GABRB3: variants seen among roughly 807,000 people sequenced by gnomAD.
The protein encoded by GABRB3 is gamma-aminobutyric acid type A receptor subunit beta3, also known as gamma-aminobutyric acid receptor subunit beta-3.
Under a neutral mutation model 52.1 loss-of-function variants are expected in GABRB3, and 14 were observed. The ratio of observed to expected loss-of-function variants is 0.27; its 90% CI spans 0.18 to 0.42. GABRB3 has a LOEUF of 0.42. Ranked by LOEUF, GABRB3 falls within the 10% of genes least tolerant of loss-of-function variation. The probability of loss-of-function intolerance (pLI) is 1.00; values close to 1 mark genes in which losing one functional copy is unlikely to be tolerated. For missense variants in GABRB3, 307 were observed against 609.1 expected (o/e 0.50, Z 5.22); for synonymous variants, 260 against 232.3 (o/e 1.12, Z -1.08).
chr15:26,645,965 C>T (rs1170491551), intron 3 of GABRB3, among the ~76,000 whole-genome samples: 2 of 150,300 alleles, frequency 1.3e-5, no homozygotes, highest in South Asian at 2.1e-4. Flanking sequence ...TAAATTTTTG[C>T]AATCCAAAAA....
chr15:26,758,986 G>C (rs1195274181), intron 3 of GABRB3, among the ~76,000 whole-genome samples: 1 of 152,094 alleles, frequency 6.6e-6, no homozygotes, highest in Admixed American at 6.5e-5. Flanking sequence ...GGGGTCACTG[G>C]CTACTTCCAA....
chr15:26,600,991 G>T (rs1891564562), intron 4 of GABRB3, among the ~76,000 whole-genome samples: 2 of 152,098 alleles, frequency 1.3e-5, no homozygotes, highest in Non-Finnish European at 2.9e-5. Flanking sequence ...TGTGTGGGGG[G>T]GAGTAAAAGT....
rs542284733 is a variant in GABRB3 at position 26,544,395 on chromosome 15, G to A, written c.*3398C>T. The A allele has an allele frequency of 1.3e-5, 2 of 152,740 alleles. No homozygotes were observed. The highest frequency in any genetic ancestry group is 6.5e-5 in the Admixed American group (1 of 15,304). 9.5% of individuals were successfully genotyped at this position (152,740 alleles called of 1,614,324 possible). A position where few individuals can be genotyped will look rare whatever the true frequency, so the allele number is the denominator to read the frequency against. The stretch of plus-strand genomic sequence containing the variant: ...AAATGTCAACGCTGTGTTTGGACAA[G>A]AGAGAAGTGCCTTTCAGGGAGTGAC... On this transcript the variant is annotated 3_prime_UTR_variant, in exon 9 of 9. Transcript: ENST00000311550.
chr15:26,766,174 T>A (rs1404358635), intron 3 of GABRB3, among the ~76,000 whole-genome samples: 1 of 152,230 alleles, frequency 6.6e-6, no homozygotes, highest in Non-Finnish European at 1.5e-5. Context: ...ATTTCAAATG[T>A]CTGATAGGCT....
chr15:26,596,818 A>G (rs1344907186), intron 4 of GABRB3, among the ~76,000 whole-genome samples: 1 of 152,226 alleles, frequency 6.6e-6, no homozygotes, highest in Non-Finnish European at 1.5e-5. Context: ...GTAACAGAAT[A>G]CATGAAACTG....
At chr15:26,698,297 T>C (rs2140675927) in intron 3 of GABRB3, among the ~76,000 whole-genome samples, 1 of 152,366 alleles carries the variant, frequency 6.6e-6, no homozygotes, top group African/African-American at 2.4e-5. Flanking sequence ...TAGGGTCGGG[T>C]AATATTTTGG....
chr15:26,603,337 C>G (rs1594543), intron 4 of GABRB3, among the ~76,000 whole-genome samples: 121,943 of 151,944 alleles, frequency 0.8, 50,689 homozygotes, highest in East Asian at 1. Context: ...GTTGAAAGAA[C>G]AACTAATGTA....
At chr15:26,753,593 T>C (rs1787906274) in intron 3 of GABRB3, among the ~76,000 whole-genome samples, 1 of 152,264 alleles carries the variant, frequency 6.6e-6, no homozygotes, top group South Asian at 2.1e-4. Context: ...GGGAGGTGGT[T>C]GTAAAAAAGA....
At chr15:26,635,944 C>T (rs929934407) in intron 3 of GABRB3, among the ~76,000 whole-genome samples, 1 of 152,224 alleles carries the variant, frequency 6.6e-6, no homozygotes, top group African/African-American at 2.4e-5. Flanking sequence ...ATCAACAGTA[C>T]TGCACTTGAT....
At chr15:26,637,519 A>G (rs1431718138) in intron 3 of GABRB3, among the ~76,000 whole-genome samples, 7 of 152,178 alleles carry the variant, frequency 4.6e-5, no homozygotes. Flanking sequence ...AGCACAAATT[A>G]GGCATTGCAT....
At chr15:26,623,842 G>A (rs1003272295) in intron 3 of GABRB3, among the ~76,000 whole-genome samples, 1 of 152,054 alleles carries the variant, frequency 6.6e-6, no homozygotes, top group East Asian at 1.9e-4. Flanking sequence ...TCCCTCTGCT[G>A]CCTGACCCAC....
intron 3 of GABRB3, among the ~76,000 whole-genome samples, chr15:26,723,306 C>CT: frequency 6.6e-6 from 1 of 152,292 alleles, no homozygotes; most frequent in East Asian, 1.9e-4. Flanking sequence ...TAATTTGAGT[C>CT]TTTTGAATGT....
At chr15:26,720,010 C>T (rs1425968947) in intron 3 of GABRB3, among the ~76,000 whole-genome samples, 1 of 152,184 alleles carries the variant, frequency 6.6e-6, no homozygotes, top group Non-Finnish European at 1.5e-5. Context: ...CCTGCCTTAA[C>T]TGATGACATT....
At chr15:26,656,669 G>A (rs1162245730) in intron 3 of GABRB3, among the ~76,000 whole-genome samples, 1 of 152,312 alleles carries the variant, frequency 6.6e-6, no homozygotes, top group Admixed American at 6.5e-5. Flanking sequence ...AACTGCACAT[G>A]TGAGGGATCT....
chr15:26,740,361 A>C (rs1406426764), intron 3 of GABRB3, among the ~76,000 whole-genome samples: 1 of 151,894 alleles, frequency 6.6e-6, no homozygotes, highest in African/African-American at 2.4e-5. Context: ...TGAATAGGAG[A>C]GGGGGTTCAC....
Position 26,772,647 on chromosome 15 carries a change from C to G in GABRB3, c.172+34G>C, listed in dbSNP as rs771989246. ...CCCAGGCCGCCGCCGCCGTGGGTCG[C>G]GCTTCCCGCAACGGCCGCGCGCAGC... On this transcript the variant is annotated intron_variant, in intron 2 of 8. Transcript: ENST00000311550. The G allele has an allele frequency of 2.0e-6, 3 of 1,525,430 alleles. No individual in the cohort carries two copies. The African/African-American group carries it at 4.3e-5, about 22-fold the overall frequency. 94.5% of individuals were successfully genotyped at this position (1,525,430 alleles called of 1,614,324 possible).
intron 3 of GABRB3, among the ~76,000 whole-genome samples, chr15:26,627,593 T>TC: frequency 1.3e-5 from 2 of 151,918 alleles, no homozygotes; most frequent in African/African-American, 4.8e-5. Context: ...TTTGAGGGGT[T>TC]CAAGTCATTG....
intron 3 of GABRB3, among the ~76,000 whole-genome samples, chr15:26,655,824 C>G (rs1204476212): frequency 6.6e-6 from 1 of 151,848 alleles, no homozygotes; most frequent in African/African-American, 2.4e-5. Context: ...GGCCTCACAA[C>G]TCAGGCACCT....
intron 4 of GABRB3, among the ~76,000 whole-genome samples, chr15:26,600,520 G>A (rs1373170854): frequency 1.3e-5 from 2 of 152,090 alleles, no homozygotes; most frequent in Non-Finnish European, 2.9e-5. Flanking sequence ...GTGCCAATAC[G>A]ACTATCAGCA....
Sources: allele counts gnomAD v4.1 joint callset (sites outside exome capture counted in the v4.1 genomes callset), GRCh38; gene constraint gnomAD v4.1.1; transcripts MANE v1.5; gene names NCBI Gene and HGNC (gene_info 2026-07-23, HGNC 2026-07-21).